NEBL: variants seen among roughly 807,000 people sequenced by gnomAD.
NEBL encodes the protein LIM and SH3 protein 2.
NEBL carries 122 observed loss-of-function variants against 140.2 expected under a neutral mutation model. That is an observed-to-expected ratio of 0.87 (90% confidence interval 0.75 to 1.01). The LOEUF (loss-of-function observed/expected upper bound fraction) is 1.01. NEBL is among the 50% of genes least tolerant of loss of function. NEBL has a pLI of 0.00. For synonymous variants in NEBL, 436 were observed against 398.9 expected, an observed-to-expected ratio of 1.09 and a Z score of -1.11; for missense variants, 1,365 against 1,231.3, an observed-to-expected ratio of 1.11 and a Z score of -1.62.
chr10:20,887,225 G>A (rs1338954779), intron 4 of NEBL, among the ~76,000 whole-genome samples: 13 of 91,916 alleles, frequency 1.4e-4, no homozygotes, highest in Admixed American at 1.3e-3. Flanking sequence ...GATTCAAAAT[G>A]AGTTTACCTG....
intron 24 of NEBL, among the ~76,000 whole-genome samples, chr10:20,812,384 C>T (rs1838237759): frequency 6.6e-6 from 1 of 151,900 alleles, no homozygotes; most frequent in African/African-American, 2.4e-5. Context: ...AGGTTTGTTA[C>T]ATACGTATAC....
chr10:21,025,560 G>A lies in NEBL; in HGVS notation c.165-5359C>T, dbSNP rs183852233. 1.2e-4 allele frequency among the ~76,000 whole-genome samples: 18 copies of A among 152,290 alleles called. 5 individuals carry two copies. The highest frequency in any genetic ancestry group is 8.5e-4 in the Admixed American group (13 of 15,290). Reference sequence around the variant, plus strand: ...AAATCACTAGACCTCGTCAGAGCTCGTCAAAATGCAGGAAGCGACATAAGC... The same window carrying A: ...AAATCACTAGACCTCGTCAGAGCTCATCAAAATGCAGGAAGCGACATAAGC... On this transcript the variant is annotated intron_variant, in intron 2 of 6. Coordinates refer to the NEBL transcript ENST00000417816.
At chr10:21,057,042 G>T (rs7077775) in intron 2 of NEBL, among the ~76,000 whole-genome samples, 59,980 of 151,924 alleles carry the variant, frequency 0.39, 11,928 homozygotes, top group Middle Eastern at 0.47. Context: ...GAAAAGTCAA[G>T]TTTACTCCAT....
intron 3 of NEBL, among the ~76,000 whole-genome samples, chr10:20,995,918 T>C (rs1350071056): frequency 1.3e-5 from 2 of 149,394 alleles, no homozygotes; most frequent in Non-Finnish European, 2.9e-5. Flanking sequence ...CTTTTTCCTT[T>C]ACAGTTTATT....
Position 20,853,106 on chromosome 10 carries a change from C to T in NEBL, c.904-457G>A, listed in dbSNP as rs183823956. On this transcript the variant is annotated intron_variant, in intron 9 of 27. Transcript: ENST00000377122. ...ACCCAGAGGCAAGGAATAAAAAAGT[C>T]CTATACAAAAAGACTCCACCACAAA... Among the ~76,000 whole-genome samples, 9 of 152,088 alleles carry T rather than the reference C, an allele frequency of 5.9e-5. No individual in the cohort carries two copies. In the East Asian group the frequency reaches 1.5e-3, roughly 26 times the overall value.
chr10:21,025,973 C>T, intron 2 of NEBL, among the ~76,000 whole-genome samples: 1 of 152,140 alleles, frequency 6.6e-6, no homozygotes, highest in South Asian at 2.1e-4. Context: ...TCTCTTTGCT[C>T]TCCTGCAAAG....
intron 2 of NEBL, among the ~76,000 whole-genome samples, chr10:21,120,777 A>T (rs1261951231): frequency 6.6e-6 from 1 of 151,864 alleles, no homozygotes; most frequent in African/African-American, 2.4e-5. Flanking sequence ...CTGAGGAAGA[A>T]CACACGCCCA....
intron 3 of NEBL, among the ~76,000 whole-genome samples, chr10:20,989,017 T>G (rs545039501): frequency 6.6e-6 from 1 of 152,360 alleles, no homozygotes; most frequent in African/African-American, 2.4e-5. Context: ...CTTATTTTCA[T>G]AACTAAATAT....
At chr10:20,912,765 G>A (rs1383680323) in intron 4 of NEBL, among the ~76,000 whole-genome samples, 1 of 151,906 alleles carries the variant, frequency 6.6e-6, no homozygotes, top group African/African-American at 2.4e-5. Flanking sequence ...TATATACGCA[G>A]TTGTTGGCTT....
intron 14 of NEBL, among the ~76,000 whole-genome samples, chr10:20,833,391 T>C (rs930735484): frequency 6.6e-6 from 1 of 152,162 alleles, no homozygotes; most frequent in Non-Finnish European, 1.5e-5. Flanking sequence ...AAATAAACTA[T>C]GGCAAAGTCC....
At chr10:21,015,924 T>C (rs2131754223) in intron 3 of NEBL, among the ~76,000 whole-genome samples, 1 of 152,360 alleles carries the variant, frequency 6.6e-6, no homozygotes, top group Non-Finnish European at 1.5e-5. Context: ...AGTCAGGGCT[T>C]TGGATCTCAC....
At chr10:20,831,122 C>G in intron 16 of NEBL, 74 bp downstream of exon 16, 1 of 1,049,824 alleles carries the variant, frequency 9.5e-7, no homozygotes, top group Non-Finnish European at 1.5e-6. Context: ...AGATATCATT[C>G]ATAGAGACAT....
rs1226209252 is a variant in NEBL at position 20,815,675 on chromosome 10, C to T, written c.2191G>A (p.Val731Ile). 4.3e-6 allele frequency: 7 copies of T among 1,613,016 alleles called. No individual in the cohort carries two copies. In the Admixed American group the frequency reaches 5.0e-5, roughly 12 times the overall value. ...GQLGRATTLS[V>I]TPEMERVKKN... ...TTCACTCTTTCCATTTCAGGAGTTA[C>T]ACTTAAAGTGGTAGCTCTTCCCAGC... is the stretch of plus-strand genomic sequence containing the variant. Residue 731 changes from valine (V) to isoleucine (I), a missense_variant, in exon 22 of 28, where the codon GTA becomes ATA. Val to Ile is a conservative substitution (Grantham distance 29, BLOSUM62 3). Around this residue, in one of 2 missense-constraint regions of NEBL, gnomAD observed 1,323 missense variants for 1,154.8 expected, o/e 1.15. Transcript: ENST00000377122.
At chr10:21,068,587 G>C (rs1835670468) in intron 2 of NEBL, among the ~76,000 whole-genome samples, 1 of 152,202 alleles carries the variant, frequency 6.6e-6, no homozygotes, top group Admixed American at 6.5e-5. Context: ...AGCTAAGAGG[G>C]AGAGGAGGTG....
intron 2 of NEBL, among the ~76,000 whole-genome samples, chr10:21,121,108 C>A (rs1347393444): frequency 6.6e-6 from 1 of 152,048 alleles, no homozygotes; most frequent in East Asian, 1.9e-4. Context: ...TATGTTTGGC[C>A]CTGAAACTTT....
intron 3 of NEBL, among the ~76,000 whole-genome samples, chr10:21,018,319 G>T (rs1052427916): frequency 2.6e-5 from 4 of 152,272 alleles, no homozygotes; most frequent in African/African-American, 9.6e-5. Flanking sequence ...TGTCCAGTGT[G>T]TACTTGTCCA....
intron 10 of NEBL, 106 bp downstream of exon 10, chr10:20,852,439 T>A: frequency 1.3e-6 from 1 of 770,166 alleles, no homozygotes; most frequent in Non-Finnish European, 2.3e-6. Context: ...TATTCTTTTC[T>A]GCAACTGTAC....
chr10:21,054,607 T>C (rs1254659344), intron 2 of NEBL, among the ~76,000 whole-genome samples: 1 of 152,184 alleles, frequency 6.6e-6, no homozygotes, highest in African/African-American at 2.4e-5. Flanking sequence ...ATTCATAAGT[T>C]TACATGTAAA....
chr10:20,977,924 C>T (rs1354133409), intron 3 of NEBL, among the ~76,000 whole-genome samples: 4 of 151,896 alleles, frequency 2.6e-5, no homozygotes, highest in African/African-American at 9.7e-5. Flanking sequence ...AGGATTTGCT[C>T]GGAAACAAAC....
Sources: gnomAD v4.1 joint callset for allele counts (sites outside exome capture counted in the v4.1 genomes callset) on GRCh38, gnomAD v4.1.1 for gene constraint, gnomAD v4.1.1 regional missense constraint, MANE v1.5 for transcripts, NCBI Gene and HGNC (gene_info 2026-07-23, HGNC 2026-07-21) for gene names.